Variants in SPDL1 observed in about 807,000 individuals in gnomAD.
The protein encoded by SPDL1 is protein Spindly.
Under a neutral mutation model 79.5 loss-of-function variants are expected in SPDL1, and 85 were observed. The ratio of observed to expected loss-of-function variants is 1.07; its 90% CI spans 0.90 to 1.28. The LOEUF is 1.28. Ranked by LOEUF, SPDL1 falls within the 50% of genes most tolerant of loss-of-function variation. SPDL1 has a pLI of 0.00. For missense variants in SPDL1, 703 were observed against 697.8 expected (o/e 1.01, Z -0.08); for synonymous variants, 269 against 240.3 (o/e 1.12, Z -1.10).
Position 169,604,505 on chromosome 5 carries a change from C to G in SPDL1, c.*298C>G, listed in dbSNP as rs569337454. The G allele has an allele frequency of 1.1e-5, 2 of 177,896 alleles. No individual in the cohort carries two copies. The highest frequency in any genetic ancestry group is 4.0e-4 in the South Asian group (2 of 5,050). The allele number at this position is 177,896 out of a possible 1,614,324, so 11.0% of individuals were successfully genotyped here. ...TGTATATGGATTAAATGATAAAAAA[C>G]AAGTAATCTACCCTCAGAGCCATGT... On this transcript the variant is annotated 3_prime_UTR_variant, in exon 12 of 12. Transcript: ENST00000265295.
chr5:169,603,283 C>T (rs777622174), intron 11 of SPDL1, among the ~76,000 whole-genome samples: 7 of 152,002 alleles, frequency 4.6e-5, no homozygotes, highest in Non-Finnish European at 5.9e-5. Context: ...TTCTTGTTAC[C>T]GAGAATCTTT....
chr5:169,594,216 A>G lies in SPDL1; in HGVS notation c.603A>G (p.Leu201=). The change falls in exon 5 of 12, where the codon CTA becomes CTG. Residue 201 remains leucine, a synonymous_variant. Transcript: ENST00000265295. The stretch of plus-strand genomic sequence containing the variant: ...AGCTAGAACTTCTTATTACTAACCT[A>G]ATGCGCCAGGTAGACCGGCTTAAAG... The part of the protein sequence containing the change: ...QEQLELLITN[L]MRQVDRLKEE... 1 of 1,613,816 alleles carries G rather than the reference A, an allele frequency of 6.2e-7. No homozygotes were observed. The highest frequency in any genetic ancestry group is 1.3e-5 in the African/African-American group (1 of 75,048).
chr5:169,588,752 AC>A, intron 2 of SPDL1, 177 bp downstream of exon 2: 3 of 484,220 alleles, frequency 6.2e-6, no homozygotes, highest in South Asian at 7.8e-5. Flanking sequence ...TATTCTTTCC[AC>A]CCTAGTGTAT....
rs914419157 is a variant in SPDL1 at position 169,592,057 on chromosome 5, T to C, written c.336+833T>C. ...AAACTTGCCTGACTTTTGTCCTCCT[T>C]TCTCAGAAGTCTGTTACCCAATTTT... On this transcript the variant is annotated intron_variant, in intron 3 of 11. Transcript: ENST00000265295. 3.3e-5 allele frequency among the ~76,000 whole-genome samples: 5 copies of C among 152,328 alleles called. No homozygotes were observed. The South Asian group carries it at 1.0e-3, about 32-fold the overall frequency.
In SPDL1 at chr5:169,601,277, C is replaced by G; in HGVS notation, c.1325-3C>G. The stretch of plus-strand genomic sequence containing the variant: ...TCTTTTCCCCACTCGTTTTTATTCT[C>G]AGAGACAGTTGAAGTGCCTGTACTG... On this transcript the variant is annotated splice_polypyrimidine_tract_variant and splice_region_variant and intron_variant, in intron 10 of 11. Transcript: ENST00000265295. 1 of 1,591,726 alleles carries G rather than the reference C, an allele frequency of 6.3e-7. No homozygotes were observed. The highest frequency in any genetic ancestry group is 2.2e-5 in the East Asian group (1 of 44,592).
In SPDL1 at chr5:169,598,511, C is replaced by T. The variant is rs894605859; in HGVS notation, c.1068C>T (p.Val356=). The T allele has an allele frequency of 2.2e-5, 35 of 1,612,888 alleles. No homozygotes were observed. Among genetic ancestry groups the T allele is most frequent in the African/African-American group, 4.0e-5 (3 of 74,840 alleles). Reference sequence around the variant, plus strand: ...ACAGTATGGAATCTAAGCCTTCAGTCGACTCTGGTACTCTGGAAGATAACA... The same window carrying T: ...ACAGTATGGAATCTAAGCCTTCAGTTGACTCTGGTACTCTGGAAGATAACA... ...LYDSMESKPS[V]DSGTLEDNTY... Residue 356 remains valine (V), a synonymous_variant, in exon 9 of 12, where the codon GTC becomes GTT. Transcript: ENST00000265295.
At chr5:169,585,799 T>C (rs1754958644) in intron 1 of SPDL1, among the ~76,000 whole-genome samples, 1 of 152,252 alleles carries the variant, frequency 6.6e-6, no homozygotes. Context: ...TCCTAATTCA[T>C]TGATAAATTG....
chr5:169,596,519 T>C, intron 7 of SPDL1, 42 bp from the exon 8 acceptor site: 1 of 1,542,954 alleles, frequency 6.5e-7, no homozygotes, highest in Non-Finnish European at 8.9e-7. Flanking sequence ...AGAATCTTTC[T>C]CTCACTTAAT....
chr5:169,592,296 C>T (rs1755333402), intron 3 of SPDL1, among the ~76,000 whole-genome samples: 1 of 142,280 alleles, frequency 7.0e-6, no homozygotes, highest in African/African-American at 2.6e-5. Context: ...GGCTCACCTG[C>T]AACCTCTGCC....
chr5:169,592,689 T>C (rs1369712754), intron 3 of SPDL1, among the ~76,000 whole-genome samples: 6 of 152,128 alleles, frequency 3.9e-5, no homozygotes, highest in Admixed American at 1.3e-4. Context: ...GATAATGATG[T>C]GCTTTCTTCC....
intron 8 of SPDL1, 85 bp from the exon 9 acceptor site, chr5:169,598,391 G>C: frequency 1.2e-6 from 1 of 837,918 alleles, no homozygotes; most frequent in Non-Finnish European, 2.0e-6. Context: ...TATAAATTCA[G>C]GAAGTGATGG....
rs757067504 is a variant in SPDL1 at position 169,601,497 on chromosome 5, C to G, written c.1542C>G (p.Leu514=). 9.3e-6 allele frequency: 15 copies of G among 1,614,006 alleles called. No homozygotes were observed. Among genetic ancestry groups the G allele is most frequent in the Middle Eastern group, 1.6e-4 (1 of 6,084 alleles). Residue 514 remains leucine (L), a synonymous_variant, in exon 11 of 12, where the codon CTC becomes CTG. Coordinates refer to ENST00000265295, the MANE Select transcript of SPDL1 (RefSeq NM_017785.5). Reference sequence around the variant, plus strand: ...CTATATACACACCAGTAGTCAGTCTCTCTCCTCACAAAAATCTGCCCGTGG... The same window carrying G: ...CTATATACACACCAGTAGTCAGTCTGTCTCCTCACAAAAATCTGCCCGTGG... ...SVSIYTPVVS[L]SPHKNLPVDM...
intron 3 of SPDL1, among the ~76,000 whole-genome samples, chr5:169,592,240 A>T (rs181384875): frequency 9.6e-6 from 1 of 104,584 alleles, no homozygotes; most frequent in East Asian, 3.0e-4. Flanking sequence ...TTTTTGAGGC[A>T]GAGTCTCACA....
intron 10 of SPDL1, among the ~76,000 whole-genome samples, chr5:169,600,713 A>G (rs1755832863): frequency 1.3e-5 from 2 of 152,230 alleles, no homozygotes; most frequent in African/African-American, 4.8e-5. Context: ...CTAGGGAAGT[A>G]TCCATCATAA....
intron 10 of SPDL1, among the ~76,000 whole-genome samples, chr5:169,600,056 A>G (rs918397972): frequency 6.6e-6 from 1 of 152,210 alleles, no homozygotes; most frequent in Non-Finnish European, 1.5e-5. Context: ...ATGTAAATTC[A>G]AAAACAAAAG....
At chr5:169,590,739 T>C (rs1755230866) in intron 2 of SPDL1, 1 of 473,698 alleles carries the variant, frequency 2.1e-6, no homozygotes, top group African/African-American at 2.0e-5. Flanking sequence ...TGTTAAATCT[T>C]TTTTTGTTGT....
rs1326943248 is a variant in SPDL1 at position 169,596,626 on chromosome 5, G to C, written c.957G>C (p.Leu319Phe). The change falls in exon 8 of 12, where the codon TTG becomes TTC. Residue 319 changes from leucine to phenylalanine, a missense_variant. Physicochemically the swap from Leu to Phe is conservative, Grantham distance 22. Transcript: ENST00000265295. ...SQTEFEQQERLLAMLEQKNGE... is the reference protein window; with the variant it reads ...SQTEFEQQERFLAMLEQKNGE... Reference sequence around the variant, plus strand: ...CTGAATTTGAGCAGCAGGAACGGTTGCTTGCCATGTTGGAGCAGAAGAATG... The same window carrying C: ...CTGAATTTGAGCAGCAGGAACGGTTCCTTGCCATGTTGGAGCAGAAGAATG... 3 of 1,608,490 alleles carry C rather than the reference G, an allele frequency of 1.9e-6. No homozygotes were observed. The African/African-American group carries it at 4.0e-5, about 22-fold the overall frequency.
At chr5:169,592,805 C>CTTTTTTTTTTTT (rs11301691) in intron 3 of SPDL1, among the ~76,000 whole-genome samples, 1 of 85,020 alleles carries the variant, frequency 1.2e-5, no homozygotes. Context: ...ATAGAGATGG[C>CTTTTTTTTTTTT]TTTTTTTTTT....
Position 169,598,460 on chromosome 5 carries a change from CTT to C in SPDL1, c.1033-13_1033-12del, listed in dbSNP as rs747425049. On this transcript the variant is annotated splice_polypyrimidine_tract_variant and intron_variant, in intron 8 of 11. Coordinates refer to ENST00000265295, the MANE Select transcript of SPDL1 (RefSeq NM_017785.5). ...TGTTATTTATTTTAAGTAATACAAA[CTT>C]TTGCTTTTTTAAGAATTTATATGAC... is the stretch of plus-strand genomic sequence containing the variant. The C allele has an allele frequency of 4.6e-6, 7 of 1,514,202 alleles. No homozygotes were observed. Among genetic ancestry groups the C allele is most frequent in the Admixed American group, 1.7e-5 (1 of 58,704 alleles). 93.8% of individuals were successfully genotyped at this position (1,514,202 alleles called of 1,614,324 possible). A position where few individuals can be genotyped will look rare whatever the true frequency, so the allele number is the denominator to read the frequency against.
Sources: gnomAD v4.1 joint callset for allele counts (sites outside exome capture counted in the v4.1 genomes callset) on GRCh38, gnomAD v4.1.1 for gene constraint, MANE v1.5 for transcripts, NCBI Gene and HGNC (gene_info 2026-07-23, HGNC 2026-07-21) for gene names.